Variants in SELENOI observed in about 807,000 individuals in gnomAD.
SELENOI encodes ethanolaminephosphotransferase 1.
A neutral mutation model predicts 50.7 loss-of-function variants in SELENOI; 24 were observed. The observed-to-expected ratio is 0.47, with a 90% CI of 0.34 to 0.67. The LOEUF (loss-of-function observed/expected upper bound fraction) is 0.67, where lower values mean the gene tolerates loss of function less well. Ranked by LOEUF, SELENOI falls within the 30% of genes least tolerant of loss-of-function variation. The pLI is 0.01. For synonymous variants in SELENOI, 155 were observed against 170.2 expected (o/e 0.91, Z 0.70); for missense variants, 352 against 461.4 (o/e 0.76, Z 2.17).
chr2:26,374,107 A>G (rs1427652601), intron 5 of SELENOI, among the ~76,000 whole-genome samples: 1 of 152,212 alleles, frequency 6.6e-6, no homozygotes, highest in Non-Finnish European at 1.5e-5. Context: ...ACTTCGCTAT[A>G]TATCTCTAAA....
intron 4 of SELENOI, among the ~76,000 whole-genome samples, chr2:26,371,696 C>CA (rs1677453960): frequency 6.6e-6 from 1 of 152,174 alleles, no homozygotes; most frequent in Non-Finnish European, 1.5e-5. Flanking sequence ...CCGTCTCCAC[C>CA]AAAAAAATAC....
chr2:26,386,221 G>A (rs2147963459), intron 8 of SELENOI, 133 bp from the exon 9 acceptor site: 1 of 925,498 alleles, frequency 1.1e-6, no homozygotes, highest in African/African-American at 1.7e-5. Context: ...GAGAACTTCT[G>A]AACTTAGATA....
At chr2:26,369,960 C>G (rs1302593623) in intron 4 of SELENOI, among the ~76,000 whole-genome samples, 2 of 150,812 alleles carry the variant, frequency 1.3e-5, no homozygotes, top group Non-Finnish European at 2.9e-5. Context: ...AGCAGATAAA[C>G]AAGTGAACAA....
chr2:26,368,447 A>G (rs1370013352), intron 4 of SELENOI, among the ~76,000 whole-genome samples: 1 of 152,206 alleles, frequency 6.6e-6, no homozygotes, highest in Non-Finnish European at 1.5e-5. Context: ...CTAGGCCCAC[A>G]GTTTTCTGGC....
At chr2:26,373,943 G>C (rs750724726) in intron 5 of SELENOI, among the ~76,000 whole-genome samples, 2 of 152,006 alleles carry the variant, frequency 1.3e-5, no homozygotes, top group South Asian at 2.1e-4. Context: ...GTAGAGACAG[G>C]GTTTCACTAT....
chr2:26,388,543 C>G (rs1016173706), intron 9 of SELENOI, among the ~76,000 whole-genome samples: 4 of 152,112 alleles, frequency 2.6e-5, no homozygotes, highest in Non-Finnish European at 4.4e-5. Context: ...CACTCGCTGA[C>G]CTATAACTAA....
At chr2:26,367,026 T>C (rs1677298512) in intron 3 of SELENOI, 120 bp from the exon 4 acceptor site, 2 of 814,614 alleles carry the variant, frequency 2.5e-6, no homozygotes. Flanking sequence ...ATTCAAAATA[T>C]ATTGTAAAGT....
chr2:26,372,238 G>A (rs764852902), intron 4 of SELENOI, among the ~76,000 whole-genome samples: 3 of 152,214 alleles, frequency 2.0e-5, no homozygotes, highest in Non-Finnish European at 2.9e-5. Context: ...TCAGCCTCCC[G>A]AGTAGCTGGG....
intron 6 of SELENOI, among the ~76,000 whole-genome samples, chr2:26,382,352 G>T (rs942411546): frequency 6.6e-6 from 1 of 152,166 alleles, no homozygotes; most frequent in East Asian, 1.9e-4. Flanking sequence ...AGGGAGAATG[G>T]CATCACAAAG....
intron 4 of SELENOI, among the ~76,000 whole-genome samples, chr2:26,371,338 G>A (rs1239520050): frequency 2.0e-5 from 3 of 152,042 alleles, no homozygotes; most frequent in East Asian, 1.9e-4. Context: ...CATCCCAGAC[G>A]GGGCGGCGGG....
At chr2:26,370,640 G>A (rs1677401572) in intron 4 of SELENOI, among the ~76,000 whole-genome samples, 1 of 65,238 alleles carries the variant, frequency 1.5e-5, no homozygotes, top group African/African-American at 5.1e-5. Flanking sequence ...CCTCCCAGAC[G>A]GGGCGGCTGG....
intron 1 of SELENOI, among the ~76,000 whole-genome samples, chr2:26,350,113 A>G (rs1265978032): frequency 6.6e-6 from 1 of 151,958 alleles, no homozygotes; most frequent in East Asian, 1.9e-4. Flanking sequence ...ACTCAAAAAA[A>G]AAAAGTGTGT....
intron 3 of SELENOI, 99 bp downstream of exon 3, chr2:26,365,039 A>C: frequency 1.2e-6 from 1 of 844,970 alleles, no homozygotes. Context: ...ATTTCTAAAA[A>C]ATTTTGAATA....
rs540169659 is a variant in SELENOI, at chr2:26,371,644, C to T, written c.311-1723C>T. Among the ~76,000 whole-genome samples the T allele has an allele frequency of 1.7e-3, 258 of 152,328 alleles. 1 individual carries two copies. Among genetic ancestry groups the T allele is most frequent in the African/African-American group, 6.0e-3 (251 of 41,574 alleles). ...GAGGCCGAGGCTGGCGGATCACTCG[C>T]GGTTAGGAGCTGGAGACCAGCCCGG... is the stretch of plus-strand genomic sequence containing the variant. On this transcript the variant is annotated intron_variant, in intron 4 of 9. Coordinates refer to ENST00000260585, the MANE Select transcript of SELENOI (RefSeq NM_033505.4).
At chr2:26,371,815 A>C (rs535458671) in intron 4 of SELENOI, among the ~76,000 whole-genome samples, 1 of 152,150 alleles carries the variant, frequency 6.6e-6, no homozygotes, top group Non-Finnish European at 1.5e-5. Flanking sequence ...GCAGCAGTAT[A>C]GTCCAGCTTC....
At chr2:26,351,234 T>G (rs1676953376) in intron 1 of SELENOI, among the ~76,000 whole-genome samples, 1 of 152,130 alleles carries the variant, frequency 6.6e-6, no homozygotes, top group South Asian at 2.1e-4. Flanking sequence ...AATTTTTGTA[T>G]TTTTAGTAGA....
chr2:26,381,330 G>A (rs1304962952), intron 6 of SELENOI, among the ~76,000 whole-genome samples: 2 of 147,118 alleles, frequency 1.4e-5, no homozygotes, highest in Non-Finnish European at 3.0e-5. Context: ...CATATATATG[G>A]TCTCTATCAC....
Position 26,391,347 on chromosome 2 carries a change from T to G in SELENOI, c.*2244T>G, listed in dbSNP as rs2147966296. On this transcript the variant is annotated 3_prime_UTR_variant, in exon 10 of 10. Transcript: ENST00000260585. ...AGTGTACTGCTGACTCTTTTTCTTG[T>G]TTTGTCTGCCATTCTTGAAAGTGCA... The G allele has an allele frequency of 6.6e-6, 1 of 152,336 alleles. No individual in the cohort carries two copies. The highest frequency in any genetic ancestry group is 2.1e-4 in the South Asian group (1 of 4,832). 9.4% of individuals were successfully genotyped at this position (152,336 alleles called of 1,614,324 possible).
At chr2:26,353,274 A>G (rs1676997515) in intron 1 of SELENOI, among the ~76,000 whole-genome samples, 1 of 152,190 alleles carries the variant, frequency 6.6e-6, no homozygotes, top group African/African-American at 2.4e-5. Flanking sequence ...GGACCACATG[A>G]AAGTGTGGCT....
Sources: allele counts gnomAD v4.1 joint callset (sites outside exome capture counted in the v4.1 genomes callset), GRCh38; gene constraint gnomAD v4.1.1; transcripts MANE v1.5; gene names NCBI Gene and HGNC (gene_info 2026-07-23, HGNC 2026-07-21).